MCC: variants seen among roughly 807,000 people sequenced by gnomAD.
MCC encodes MCC regulator of Wnt signaling pathway.
Under a neutral mutation model 116.2 loss-of-function variants are expected in MCC, and 90 were observed. The ratio of observed to expected loss-of-function variants is 0.77; its 90% CI spans 0.65 to 0.92. The LOEUF (loss-of-function observed/expected upper bound fraction) is 0.92. Ranked by LOEUF, MCC falls within the 40% of genes least tolerant of loss-of-function variation. The pLI is 0.00. For synonymous variants in MCC, 578 were observed against 510.5 expected (o/e 1.13, Z -1.78); for missense variants, 1,516 against 1,312.2 (o/e 1.16, Z -2.40).
At chr5:113,083,088 T>A in intron 10 of MCC, 80 bp from the exon 11 acceptor site, 1 of 1,369,264 alleles carries the variant, frequency 7.3e-7, no homozygotes. Flanking sequence ...AATTTAAAGC[T>A]GATATTCCGT....
At chr5:113,279,675 A>G (rs1270906115) in intron 3 of MCC, among the ~76,000 whole-genome samples, 3 of 152,238 alleles carry the variant, frequency 2.0e-5, no homozygotes, top group Admixed American at 6.5e-5. Context: ...AGAAACCTTG[A>G]TAAGTCCAGA....
chr5:113,244,781 A>T (rs1169666352), intron 3 of MCC, among the ~76,000 whole-genome samples: 1 of 152,254 alleles, frequency 6.6e-6, no homozygotes, highest in Non-Finnish European at 1.5e-5. Context: ...TTAAGAAAAC[A>T]ATGTTTCACT....
rs1561570633 is a variant in MCC at position 113,434,610 on chromosome 5, T to TC, written c.171-49399dup. On this transcript the variant is annotated intron_variant, in intron 1 of 18. Transcript: ENST00000408903. This position sits in a 1 kb window ranked among gnomAD's most constrained non-coding sequence, Gnocchi z 4.2. ...CTTGCCATGTGATGTCTCAAAGATC[T>TC]CGTAGGTCTTAATGATGGAGCAGTG... 8.7e-6 allele frequency: 14 copies of TC among 1,613,906 alleles called. No individual in the cohort carries two copies. The East Asian group carries it at 2.9e-4, about 33-fold the overall frequency.
chr5:113,318,740 A>C (rs951063584), intron 3 of MCC, among the ~76,000 whole-genome samples: 4 of 152,192 alleles, frequency 2.6e-5, no homozygotes, highest in Admixed American at 6.5e-5. Context: ...TACTAGGCTT[A>C]ATACCTGATG....
At chr5:113,377,135 C>T (rs10042223) in intron 2 of MCC, among the ~76,000 whole-genome samples, 66,933 of 151,948 alleles carry the variant, frequency 0.44, 16,212 homozygotes, top group African/African-American at 0.64. Flanking sequence ...CCATGCTGGA[C>T]CTAACTGCCT....
chr5:113,341,158 C>T (rs1345809822), intron 2 of MCC, among the ~76,000 whole-genome samples: 1 of 152,074 alleles, frequency 6.6e-6, no homozygotes, highest in African/African-American at 2.4e-5. Context: ...TCATGACTCT[C>T]TTTTTCTCCT....
chr5:113,402,288 C>T (rs190280858), intron 1 of MCC, among the ~76,000 whole-genome samples: 4,963 of 107,286 alleles, frequency 0.046, 333 homozygotes, highest in African/African-American at 0.2. Context: ...AGCCAGACTC[C>T]GTCTCAAAAA....
At chr5:113,461,135 C>G (rs1771730795) in intron 1 of MCC, among the ~76,000 whole-genome samples, 2 of 152,138 alleles carry the variant, frequency 1.3e-5, no homozygotes, top group Middle Eastern at 3.2e-3. Context: ...GTGGTGCACA[C>G]CTGCAGTCTC....
At chr5:113,221,086 C>T (rs1391387170) in intron 3 of MCC, among the ~76,000 whole-genome samples, 1 of 152,168 alleles carries the variant, frequency 6.6e-6, no homozygotes, top group African/African-American at 2.4e-5. Context: ...TGCCTGTGGT[C>T]CCAGCTACTC....
chr5:113,080,663 G>A (rs908316823), intron 11 of MCC, among the ~76,000 whole-genome samples: 1 of 152,034 alleles, frequency 6.6e-6, no homozygotes, highest in African/African-American at 2.4e-5. Flanking sequence ...TGGGGTGGAG[G>A]GAGCGGGGAG....
Position 113,434,684 on chromosome 5 carries a change from G to C in MCC, c.171-49472C>G, listed in dbSNP as rs1473191960. 3.1e-6 allele frequency: 5 copies of C among 1,613,910 alleles called. No homozygotes were observed. In the South Asian group the frequency reaches 5.5e-5, roughly 18 times the overall value. On this transcript the variant is annotated intron_variant, in intron 1 of 18. Coordinates refer to ENST00000408903, the MANE Select transcript of MCC (RefSeq NM_001085377.2). This position sits in a 1 kb window ranked among gnomAD's most constrained non-coding sequence, Gnocchi z 4.2. ...TTTCCCGGGGAAGGAATTTCTCCAA[G>C]AAGTCTGCGGGGGCCTTCTTGCGGT...
At chr5:113,432,605 A>G (rs1056696244) in intron 1 of MCC, 11 of 152,236 alleles carry the variant, frequency 7.2e-5, no homozygotes, top group Non-Finnish European at 4.4e-5. Context: ...CATATAGATT[A>G]ACCAACTTGC....
Position 113,025,295 on chromosome 5 carries a change from T to C in MCC, c.*2007A>G, listed in dbSNP as rs1333023269. On this transcript the variant is annotated 3_prime_UTR_variant, in exon 19 of 19. Transcript: ENST00000408903. ...TTCAGCCAAAACATTTTCCTCATGA[T>C]AAAATGCAACTTTATATGAAAAGTG... The C allele has an allele frequency of 6.6e-6, 1 of 151,700 alleles. No individual in the cohort carries two copies. Among genetic ancestry groups the C allele is most frequent in the Non-Finnish European group, 1.5e-5 (1 of 67,968 alleles). The allele number at this position is 151,700 out of a possible 1,614,324, so 9.4% of individuals were successfully genotyped here.
intron 3 of MCC, among the ~76,000 whole-genome samples, chr5:113,339,703 C>T (rs1209401252): frequency 6.6e-6 from 1 of 152,196 alleles, no homozygotes; most frequent in East Asian, 1.9e-4. Flanking sequence ...TTCCTTCAAA[C>T]ATCCCACCAA....
intron 3 of MCC, among the ~76,000 whole-genome samples, chr5:113,306,864 A>C (rs1175900038): frequency 2.0e-5 from 3 of 152,046 alleles, no homozygotes; most frequent in Non-Finnish European, 4.4e-5. Context: ...CCTTATGTTG[A>C]GGTCAATGAT....
chr5:113,367,486 C>A (rs1768725545), intron 2 of MCC, among the ~76,000 whole-genome samples: 2 of 151,970 alleles, frequency 1.3e-5, no homozygotes, highest in Non-Finnish European at 2.9e-5. Flanking sequence ...CACTTCTCAT[C>A]TGTTTTCATT....
intron 3 of MCC, among the ~76,000 whole-genome samples, chr5:113,268,519 T>C (rs927560544): frequency 6.6e-6 from 1 of 152,190 alleles, no homozygotes; most frequent in Non-Finnish European, 1.5e-5. Context: ...TTTTGTATCC[T>C]GTCTCCCAGT....
intron 1 of MCC, among the ~76,000 whole-genome samples, chr5:113,487,487 G>C (rs992275689): frequency 2.6e-5 from 4 of 152,258 alleles, no homozygotes; most frequent in Non-Finnish European, 4.4e-5. Flanking sequence ...GAGGCAGGAA[G>C]CTTAAATACC....
At chr5:113,058,339 G>C (rs1190913635) in intron 14 of MCC, among the ~76,000 whole-genome samples, 7 of 152,154 alleles carry the variant, frequency 4.6e-5, no homozygotes, top group Non-Finnish European at 1.0e-4. Flanking sequence ...TTTCCAAGAG[G>C]GGTCCCGGGC....
Sources: allele counts gnomAD v4.1 joint callset (sites outside exome capture counted in the v4.1 genomes callset), GRCh38; gene constraint gnomAD v4.1.1; non-coding constraint Gnocchi (gnomAD v3.1); transcripts MANE v1.5; gene names NCBI Gene and HGNC (gene_info 2026-07-23, HGNC 2026-07-21).